The following CYP39A1 variants were observed in gnomAD, a reference collection of about 807,000 sequenced individuals.
CYP39A1 encodes 24-hydroxycholesterol 7-alpha-hydroxylase.
A neutral mutation model predicts 58.1 loss-of-function variants in CYP39A1; 49 were observed. The observed-to-expected ratio is 0.84, with a 90% CI of 0.67 to 1.07. The LOEUF is 1.07. CYP39A1 is among the 50% of genes least tolerant of loss of function. The pLI, the probability that CYP39A1 is intolerant of heterozygous loss-of-function variation, is 0.00. For synonymous variants in CYP39A1, 209 were observed against 187.6 expected (o/e 1.11, Z -0.93); for missense variants, 531 against 539.4 (o/e 0.98, Z 0.16).
In CYP39A1 at chr6:46,617,160, T is replaced by C. The variant is rs1377404216; in HGVS notation, c.931+8258A>G. On this transcript the variant is annotated intron_variant, in intron 7 of 11. Coordinates refer to ENST00000275016, the MANE Select transcript of CYP39A1 (RefSeq NM_016593.5). ...TTCTATTGTCTTGGCAGACACATCA[T>C]ATTGTTTTGGAAAACAACTGGGTTA... Among the ~76,000 whole-genome samples the C allele has an allele frequency of 3.3e-5, 5 of 152,178 alleles. No homozygotes were observed. In the South Asian group the frequency reaches 8.3e-4, roughly 25 times the overall value.
At chr6:46,601,712 G>C (rs866343357) in intron 7 of CYP39A1, among the ~76,000 whole-genome samples, 3 of 148,652 alleles carry the variant, frequency 2.0e-5, no homozygotes, top group South Asian at 2.2e-4. Flanking sequence ...TTAGAGACAG[G>C]GTTTCACCAT....
Position 46,636,453 on chromosome 6 carries a change from A to G in CYP39A1, c.668T>C (p.Leu223Pro). 1 of 1,608,888 alleles carries G rather than the reference A, an allele frequency of 6.2e-7. No individual in the cohort carries two copies. ...RNWSKSKKWF[L>P]ELFEKNIPDI... ...TGGAATGTTTTTCTCAAACAGTTCC[A>G]GGAACCACTTTTTGGATTTTGACCA... The change falls in exon 5 of 12, where the codon CTG (leucine) becomes CCG (proline). Residue 223 changes from leucine (L) to proline (P), a missense_variant. Transcript: ENST00000275016.
intron 4 of CYP39A1, among the ~76,000 whole-genome samples, chr6:46,636,992 G>A (rs748943214): frequency 2.6e-5 from 4 of 152,132 alleles, no homozygotes; most frequent in Non-Finnish European, 4.4e-5. Flanking sequence ...TTAGGAGGTG[G>A]GGGTCTTTGG....
chr6:46,647,958 T>C (rs1320219430), intron 1 of CYP39A1, among the ~76,000 whole-genome samples: 1 of 152,200 alleles, frequency 6.6e-6, no homozygotes, highest in East Asian at 1.9e-4. Context: ...AAAACCACAA[T>C]GAGATACCAT....
At chr6:46,607,600 T>C (rs1773927299) in intron 7 of CYP39A1, among the ~76,000 whole-genome samples, 1 of 152,052 alleles carries the variant, frequency 6.6e-6, no homozygotes, top group South Asian at 2.1e-4. Context: ...GGGGAAATAA[T>C]CCATGTTTTG....
At chr6:46,626,692 A>T (rs1200856887) in intron 6 of CYP39A1, among the ~76,000 whole-genome samples, 1 of 152,192 alleles carries the variant, frequency 6.6e-6, no homozygotes, top group East Asian at 1.9e-4. Flanking sequence ...ATTAAGAAAG[A>T]TTTATCCTAG....
chr6:46,624,562 C>CA lies in CYP39A1; in HGVS notation c.931+855dup, dbSNP rs879604033. Among the ~76,000 whole-genome samples, 120 of 141,472 alleles carry CA rather than the reference C, an allele frequency of 8.5e-4. 1 individual carries two copies. Among genetic ancestry groups the CA allele is most frequent in the Admixed American group, 2.3e-3 (33 of 14,150 alleles). The allele number at this position is 141,472 out of a possible 152,430, so 92.8% of individuals were successfully genotyped here. On this transcript the variant is annotated intron_variant, in intron 7 of 11. Transcript: ENST00000275016. ...TGGTTTAACTCCATAAGAAGCAATCCAAAAAAAAAAACTTTAAATAAAATA... is the reference window on the plus strand; with the variant it reads ...TGGTTTAACTCCATAAGAAGCAATCCAAAAAAAAAAAACTTTAAATAAAATA...
At chr6:46,635,728 A>T (rs73471129) in intron 5 of CYP39A1, among the ~76,000 whole-genome samples, 4,717 of 151,928 alleles carry the variant, frequency 0.031, 221 homozygotes, top group African/African-American at 0.1. Flanking sequence ...CTAATTTTTT[A>T]TATATATAAT....
intron 7 of CYP39A1, among the ~76,000 whole-genome samples, chr6:46,610,747 T>C (rs543773694): frequency 6.7e-4 from 102 of 152,298 alleles, no homozygotes; most frequent in African/African-American, 2.3e-3. Flanking sequence ...TCATTATATG[T>C]ACAGTAATCT....
intron 10 of CYP39A1, among the ~76,000 whole-genome samples, chr6:46,565,874 G>T (rs1353803745): frequency 6.6e-6 from 1 of 152,122 alleles, no homozygotes; most frequent in Non-Finnish European, 1.5e-5. Context: ...ACCTACCCCA[G>T]CCTCCAGCTT....
rs1490891659 is a variant in CYP39A1 at position 46,631,285 on chromosome 6, T to C, written c.733-215A>G. Among the ~76,000 whole-genome samples, 3 of 152,186 alleles carry C rather than the reference T, an allele frequency of 2.0e-5. No homozygotes were observed. In the South Asian group the frequency reaches 6.2e-4, roughly 31 times the overall value. On this transcript the variant is annotated intron_variant, in intron 5 of 11. Coordinates refer to ENST00000275016, the MANE Select transcript of CYP39A1 (RefSeq NM_016593.5). Reference sequence around the variant, plus strand: ...GAGCTTGACCGCCTCACTGCATTTGTTCAAATCCTGGCTCAGCTATTTAAG... The same window carrying C: ...GAGCTTGACCGCCTCACTGCATTTGCTCAAATCCTGGCTCAGCTATTTAAG...
intron 10 of CYP39A1, among the ~76,000 whole-genome samples, chr6:46,571,277 T>C (rs907693865): frequency 6.6e-6 from 1 of 152,270 alleles, no homozygotes; most frequent in Non-Finnish European, 1.5e-5. Context: ...TGTTTCCTTA[T>C]TGATTTTCTG....
intron 7 of CYP39A1, among the ~76,000 whole-genome samples, chr6:46,616,144 CTT>C (rs1372962321): frequency 0.029 from 55 of 1,896 alleles, 5 homozygotes; most frequent in African/African-American, 0.072. Context: ...TTCTTTCTTT[CTT>C]TCTTTCTTTC....
chr6:46,602,978 A>C (rs1028395124), intron 7 of CYP39A1, among the ~76,000 whole-genome samples: 8 of 151,328 alleles, frequency 5.3e-5, no homozygotes, highest in South Asian at 2.1e-4. Context: ...TAATGTGATG[A>C]TCAATTATGA....
At chr6:46,609,652 CAT>C (rs970381947) in intron 7 of CYP39A1, among the ~76,000 whole-genome samples, 18 of 152,238 alleles carry the variant, frequency 1.2e-4, no homozygotes, top group Non-Finnish European at 2.5e-4. Flanking sequence ...GCTGAGGACA[CAT>C]ATGTAAAATA....
Position 46,587,059 on chromosome 6 carries a change from C to T in CYP39A1, c.1250+18G>A, listed in dbSNP as rs766267845. ...CTGCAGACTTTCTGGATAAATGTGG[C>T]CCAGCTGTCTCACTGACCTTGCAGG... On this transcript the variant is annotated intron_variant, in intron 10 of 11. Transcript: ENST00000275016. 5.3e-5 allele frequency: 84 copies of T among 1,592,132 alleles called. No homozygotes were observed. In the South Asian group the frequency reaches 9.0e-4, roughly 17 times the overall value.
Position 46,559,051 on chromosome 6 carries a change from G to A in CYP39A1, c.1251-5197C>T, listed in dbSNP as rs544706610. Reference sequence around the variant, plus strand: ...TTGGGAATTGTGTAAAAGAGAGAAAGAGACTGATGTTGAAATGACAATCAA... The same window carrying A: ...TTGGGAATTGTGTAAAAGAGAGAAAAAGACTGATGTTGAAATGACAATCAA... On this transcript the variant is annotated intron_variant, in intron 10 of 11. Transcript: ENST00000275016. 3.4e-5 allele frequency among the ~76,000 whole-genome samples: 5 copies of A among 147,766 alleles called. No homozygotes were observed. The South Asian group carries it at 1.1e-3, about 32-fold the overall frequency.
chr6:46,555,619 A>T (rs1770634510), intron 10 of CYP39A1, among the ~76,000 whole-genome samples: 1 of 152,204 alleles, frequency 6.6e-6, no homozygotes, highest in Admixed American at 6.5e-5. Flanking sequence ...ACTATATTAC[A>T]GCTAGAATTT....
rs191756762 is a variant in CYP39A1, at chr6:46,567,262, T to C, written c.1251-13408A>G. Among the ~76,000 whole-genome samples the C allele has an allele frequency of 6.6e-4, 100 of 152,274 alleles. 2 individuals are homozygous for C. Among genetic ancestry groups the C allele is most frequent in the Admixed American group, 6.0e-3 (92 of 15,280 alleles). On this transcript the variant is annotated intron_variant, in intron 10 of 11. Transcript: ENST00000275016. ...CTTTCTGTGTGTAGCTGATTTCACT[T>C]AGTATAATGTCTTCCAGGTTGACTC...
Sources: gnomAD v4.1 joint callset for allele counts (sites outside exome capture counted in the v4.1 genomes callset) on GRCh38, gnomAD v4.1.1 for gene constraint, MANE v1.5 for transcripts, NCBI Gene and HGNC (gene_info 2026-07-23, HGNC 2026-07-21) for gene names.